FAM204A: variants seen among roughly 807,000 people sequenced by gnomAD.
The protein encoded by FAM204A is protein FAM204A.
A neutral mutation model predicts 35.4 loss-of-function variants in FAM204A; 16 were observed. The observed-to-expected ratio is 0.45, with a 90% CI of 0.31 to 0.69. The LOEUF is 0.69. FAM204A is among the 30% of genes least tolerant of loss of function. The probability of loss-of-function intolerance (pLI) is 0.07; values close to 1 mark genes in which losing one functional copy is unlikely to be tolerated. For synonymous variants in FAM204A, 76 were observed against 86.9 expected, an observed-to-expected ratio of 0.88 and a Z score of 0.70; for missense variants, 240 against 265.7, an observed-to-expected ratio of 0.90 and a Z score of 0.67.
At chr10:118,321,197 A>C in intron 7 of FAM204A, among the ~76,000 whole-genome samples, 1 of 152,028 alleles carries the variant, frequency 6.6e-6, no homozygotes, top group East Asian at 1.9e-4. Context: ...TCATGCACAT[A>C]TACATTTAAT....
chr10:118,317,199 T>G (rs1462375089), intron 7 of FAM204A, among the ~76,000 whole-genome samples: 1 of 152,104 alleles, frequency 6.6e-6, no homozygotes, highest in Admixed American at 6.6e-5. Flanking sequence ...ATGGCAATCA[T>G]GAAGAAAGAA....
Position 118,302,268 on chromosome 10 carries a change from A to T in FAM204A, c.*8589T>A, listed in dbSNP as rs1475141656. On this transcript the variant is annotated 3_prime_UTR_variant, in exon 9 of 9. Coordinates refer to ENST00000369183, the MANE Select transcript of FAM204A (RefSeq NM_022063.3). ...GAGAAAAGGAAATGCAGGAAGAGGGATCCATTTCTTCCAGATTCTGTTATC... is the reference window on the plus strand; with the variant it reads ...GAGAAAAGGAAATGCAGGAAGAGGGTTCCATTTCTTCCAGATTCTGTTATC... The T allele has an allele frequency of 6.6e-6, 1 of 152,224 alleles. No homozygotes were observed. Among genetic ancestry groups the T allele is most frequent in the Admixed American group, 6.5e-5 (1 of 15,280 alleles). 9.4% of individuals were successfully genotyped at this position (152,224 alleles called of 1,614,324 possible). A position where few individuals can be genotyped will look rare whatever the true frequency, so the allele number is the denominator to read the frequency against.
At chr10:118,318,822 T>C (rs891021407) in intron 7 of FAM204A, among the ~76,000 whole-genome samples, 2 of 151,976 alleles carry the variant, frequency 1.3e-5, no homozygotes, top group African/African-American at 2.4e-5. Context: ...ACTTTAAACT[T>C]AGGTTTGAGA....
chr10:118,310,120 A>C lies in FAM204A; in HGVS notation c.*737T>G, dbSNP rs1220797731. ...TTGGTACTTACGACTAATCCATTATAAACAACTGTCAGTCTTAAAAACACA... is the reference window on the plus strand; with the variant it reads ...TTGGTACTTACGACTAATCCATTATCAACAACTGTCAGTCTTAAAAACACA... On this transcript the variant is annotated 3_prime_UTR_variant, in exon 9 of 9. Coordinates refer to ENST00000369183, the MANE Select transcript of FAM204A (RefSeq NM_022063.3). 6.6e-6 allele frequency: 1 copy of C among 152,172 alleles called. No individual in the cohort carries two copies. The highest frequency in any genetic ancestry group is 1.9e-4 in the East Asian group (1 of 5,200). The allele number at this position is 152,172 out of a possible 1,614,324, so 9.4% of individuals were successfully genotyped here.
chr10:118,312,214 AC>A (rs1845964069), intron 7 of FAM204A, among the ~76,000 whole-genome samples: 1 of 152,162 alleles, frequency 6.6e-6, no homozygotes, highest in Admixed American at 6.6e-5. Context: ...CCCATTAAGA[AC>A]CCAGATTAAA....
chr10:118,322,330 C>T (rs1564758560), intron 7 of FAM204A: 3 of 455,370 alleles, frequency 6.6e-6, no homozygotes, highest in Non-Finnish European at 1.3e-5. Context: ...GAAGTAACAC[C>T]ATCAGGAAAG....
chr10:118,322,239 C>A, intron 7 of FAM204A: 2 of 429,098 alleles, frequency 4.7e-6, no homozygotes, highest in Middle Eastern at 3.4e-4. Flanking sequence ...TAACTCCCCA[C>A]AAGACACTTA....
In FAM204A at chr10:118,309,653, G is replaced by A. The variant is rs1333969984; in HGVS notation, c.*1204C>T. The A allele has an allele frequency of 1.3e-5, 2 of 152,100 alleles. No individual in the cohort carries two copies. The highest frequency in any genetic ancestry group is 6.5e-5 in the Admixed American group (1 of 15,268). 9.4% of individuals were successfully genotyped at this position (152,100 alleles called of 1,614,324 possible). A position where few individuals can be genotyped will look rare whatever the true frequency, so the allele number is the denominator to read the frequency against. On this transcript the variant is annotated 3_prime_UTR_variant, in exon 9 of 9. Transcript: ENST00000369183. ...CAGGAAATGTACATCTAATGAAAAC[G>A]ATTTCCCATGTTACCAATCCTCTCT...
rs541096580 is a variant in FAM204A at position 118,341,271 on chromosome 10, G to C, written c.-9+456C>G. Among the ~76,000 whole-genome samples the C allele has an allele frequency of 1.1e-4, 17 of 152,118 alleles. No individual in the cohort carries two copies. The South Asian group carries it at 3.5e-3, about 32-fold the overall frequency. ...AAGGCTGTCTTATTTCCTATATTTTGTATTTGATTAGAAATAATTCCAGAA... is the reference window on the plus strand; with the variant it reads ...AAGGCTGTCTTATTTCCTATATTTTCTATTTGATTAGAAATAATTCCAGAA... On this transcript the variant is annotated intron_variant, in intron 2 of 8. Coordinates refer to ENST00000369183, the MANE Select transcript of FAM204A (RefSeq NM_022063.3).
rs1268273012 is a variant in FAM204A at position 118,336,350 on chromosome 10, T to C, written c.66A>G (p.Glu22=). ...ESDAESNSED[E]ATLENSGLNL... Reference sequence around the variant, plus strand: ...TAAGTCCAGAGTTCTCCAACGTAGCTTCATCTTCCGAGTTTGACTCAGCGT... The same window carrying C: ...TAAGTCCAGAGTTCTCCAACGTAGCCTCATCTTCCGAGTTTGACTCAGCGT... Residue 22 remains glutamate, a synonymous_variant, in exon 3 of 9, where the codon GAA becomes GAG. Coordinates refer to ENST00000369183, the MANE Select transcript of FAM204A (RefSeq NM_022063.3). 2.5e-6 allele frequency: 4 copies of C among 1,613,986 alleles called. No individual in the cohort carries two copies. In the African/African-American group the frequency reaches 4.0e-5, roughly 16 times the overall value.
At chr10:118,337,824 A>G (rs1349650175) in intron 2 of FAM204A, among the ~76,000 whole-genome samples, 1 of 152,134 alleles carries the variant, frequency 6.6e-6, no homozygotes. Context: ...GGGCTCAATA[A>G]ATGTTAAGTT....
rs1466026033 is a variant in FAM204A at position 118,335,411 on chromosome 10, T to C, written c.338A>G (p.Glu113Gly). The change falls in exon 5 of 9, where the codon GAA (glutamate) becomes GGA (glycine). Residue 113 changes from glutamate (E) to glycine (G), a missense_variant. Physicochemically the swap from Glu to Gly is moderately conservative, Grantham distance 98. Transcript: ENST00000369183. ...KRSRKDKLKN[E>G]KELHSEPSSN... ...TTCTACCTACCTATGTAATTCTTTT[T>C]CATTCTTCAATTTATCTGAAAAGAA... The C allele has an allele frequency of 6.3e-7, 1 of 1,594,446 alleles. No homozygotes were observed. The highest frequency in any genetic ancestry group is 2.2e-5 in the East Asian group (1 of 44,666).
rs1845808782 is a variant in FAM204A at position 118,301,614 on chromosome 10, G to T, written c.*9243C>A. 6.6e-6 allele frequency: 1 copy of T among 152,136 alleles called. No homozygotes were observed. Among genetic ancestry groups the T allele is most frequent in the African/African-American group, 2.4e-5 (1 of 41,418 alleles). 9.4% of individuals were successfully genotyped at this position (152,136 alleles called of 1,614,324 possible). On this transcript the variant is annotated 3_prime_UTR_variant, in exon 9 of 9. Coordinates refer to ENST00000369183, the MANE Select transcript of FAM204A (RefSeq NM_022063.3). Reference sequence around the variant, plus strand: ...ATAGTTTGGAACAAAAGGGTACTTAGTGCCTTGCTTCCAAGACGTGTAGAA... The same window carrying T: ...ATAGTTTGGAACAAAAGGGTACTTATTGCCTTGCTTCCAAGACGTGTAGAA...
intron 3 of FAM204A, chr10:118,335,966 T>G (rs1358316617): frequency 7.1e-6 from 4 of 564,748 alleles, no homozygotes; most frequent in Non-Finnish European, 1.2e-5. Context: ...GGTTTGGGTT[T>G]TTTTTTTTTC....
chr10:118,308,204 G>A lies in FAM204A; in HGVS notation c.*2653C>T, dbSNP rs1251306661. On this transcript the variant is annotated 3_prime_UTR_variant, in exon 9 of 9. Coordinates refer to ENST00000369183, the MANE Select transcript of FAM204A (RefSeq NM_022063.3). Reference sequence around the variant, plus strand: ...AATAGTAAATCATAGTTACATTAATGCCATACCAACGGCCTGAAACATATT... The same window carrying A: ...AATAGTAAATCATAGTTACATTAATACCATACCAACGGCCTGAAACATATT... The A allele has an allele frequency of 6.6e-6, 1 of 152,164 alleles. No individual in the cohort carries two copies. The highest frequency in any genetic ancestry group is 6.5e-5 in the Admixed American group (1 of 15,280). 9.4% of individuals were successfully genotyped at this position (152,164 alleles called of 1,614,324 possible).
In FAM204A at chr10:118,311,255, T is replaced by C; in HGVS notation, c.602A>G (p.Glu201Gly). The C allele has an allele frequency of 3.1e-6, 5 of 1,612,520 alleles. No homozygotes were observed. The highest frequency in any genetic ancestry group is 4.2e-6 in the Non-Finnish European group (5 of 1,179,746). The change falls in exon 8 of 9, where the codon GAG becomes GGG. Residue 201 changes from glutamate to glycine, a missense_variant. Physicochemically the swap from Glu to Gly is moderately conservative, Grantham distance 98. Transcript: ENST00000369183. The part of the protein sequence containing the change: ...ACHNFVKAKK[E>G]VENSQAARKK... ...TCGGGCAGCCTGTGAATTTTCAACC[T>C]CCTTTTTGGCTTTTACAAAGTTGTG...
intron 7 of FAM204A, among the ~76,000 whole-genome samples, chr10:118,325,333 C>A (rs1367176800): frequency 1.3e-5 from 2 of 151,996 alleles, no homozygotes; most frequent in East Asian, 3.9e-4. Context: ...AAAAGTCCAC[C>A]TGCAAGTCAG....
Position 118,309,686 on chromosome 10 carries a change from C to G in FAM204A, c.*1171G>C, listed in dbSNP as rs972570177. On this transcript the variant is annotated 3_prime_UTR_variant, in exon 9 of 9. Transcript: ENST00000369183. ...ATGTTACCAATCCTCTCTTTCTGCT[C>G]ATTAATTCATTCAATCTTTTAAGGA... 1.3e-5 allele frequency: 2 copies of G among 152,144 alleles called. No individual in the cohort carries two copies. The allele number at this position is 152,144 out of a possible 1,614,324, so 9.4% of individuals were successfully genotyped here.
chr10:118,331,557 A>G (rs1201323497), intron 6 of FAM204A, among the ~76,000 whole-genome samples: 1 of 152,216 alleles, frequency 6.6e-6, no homozygotes, highest in Non-Finnish European at 1.5e-5. Context: ...GCTAACATCT[A>G]TATGTGCATA....
Sources: allele counts gnomAD v4.1 joint callset (sites outside exome capture counted in the v4.1 genomes callset), GRCh38; gene constraint gnomAD v4.1.1; transcripts MANE v1.5; gene names NCBI Gene and HGNC (gene_info 2026-07-23, HGNC 2026-07-21).